SPPL2A: variants seen among roughly 807,000 people sequenced by gnomAD.
The protein encoded by SPPL2A is signal peptide peptidase-like 2A.
In SPPL2A, 51 loss-of-function variants were observed where a neutral mutation model predicts 63.8. The ratio of observed to expected loss-of-function variants is 0.80; its 90% CI spans 0.64 to 1.01. The LOEUF (loss-of-function observed/expected upper bound fraction) is 1.01, where lower values mean the gene tolerates loss of function less well. SPPL2A is among the 50% of genes least tolerant of loss of function. SPPL2A has a pLI of 0.00. For missense variants in SPPL2A, 553 were observed against 622.7 expected, an observed-to-expected ratio of 0.89 and a Z score of 1.19; for synonymous variants, 188 against 205.8, an observed-to-expected ratio of 0.91 and a Z score of 0.74.
intron 1 of SPPL2A, among the ~76,000 whole-genome samples, chr15:50,755,165 A>C (rs1432317645): frequency 6.6e-6 from 1 of 151,612 alleles, no homozygotes; most frequent in Admixed American, 6.6e-5. Context: ...TAAAAATAAA[A>C]AAATCAGCCA....
At chr15:50,726,570 T>C (rs2062689941) in intron 10 of SPPL2A, among the ~76,000 whole-genome samples, 193 bp from the exon 11 acceptor site, 2 of 152,242 alleles carry the variant, frequency 1.3e-5, no homozygotes, top group Admixed American at 6.5e-5. Context: ...CCTAGTACAG[T>C]TGCTCCACTT....
intron 5 of SPPL2A, among the ~76,000 whole-genome samples, chr15:50,741,652 C>G (rs2062821449): frequency 6.6e-6 from 1 of 152,090 alleles, no homozygotes. Context: ...ATACAGTGTA[C>G]TAGATTTATA....
chr15:50,743,535 ATGGGTCTCACTATGCTGCCCAGGC>A (rs994942037), intron 5 of SPPL2A, among the ~76,000 whole-genome samples: 1 of 151,644 alleles, frequency 6.6e-6, no homozygotes, highest in Non-Finnish European at 1.5e-5. Context: ...TTTTGTAGAG[ATGGGTCTCACTATGCTGCCCAGGC>A]TGGTCTCAAA....
At position 50,703,931 on chromosome 15, in the gene SPPL2A, A is replaced by G. The variant is rs529996649; in HGVS notation, c.*3869T>C. ...ATTTGTATTTATTATAAATGTATCA[A>G]TTCACTAAAATCTCTATGGACAAGT... On this transcript the variant is annotated 3_prime_UTR_variant, in exon 15 of 15. Coordinates refer to ENST00000261854, the MANE Select transcript of SPPL2A (RefSeq NM_032802.4). 2.0e-5 allele frequency: 3 copies of G among 152,302 alleles called. No individual in the cohort carries two copies. Among genetic ancestry groups the G allele is most frequent in the African/African-American group, 7.2e-5 (3 of 41,570 alleles). 9.4% of individuals were successfully genotyped at this position (152,302 alleles called of 1,614,324 possible).
intron 2 of SPPL2A, 117 bp from the exon 3 acceptor site, chr15:50,748,987 A>G (rs1301516591): frequency 5.4e-6 from 3 of 554,890 alleles, no homozygotes; most frequent in Non-Finnish European, 9.0e-6. Context: ...CTTTTGAATT[A>G]GAAATATTTA....
chr15:50,747,427 T>C (rs906929996), intron 5 of SPPL2A, 68 bp downstream of exon 5: 2 of 1,344,262 alleles, frequency 1.5e-6, no homozygotes, highest in African/African-American at 2.9e-5. Context: ...AATGTTGTTA[T>C]ATAATTAAAA....
At chr15:50,720,742 A>G (rs2062639789) in intron 13 of SPPL2A, among the ~76,000 whole-genome samples, 1 of 151,658 alleles carries the variant, frequency 6.6e-6, no homozygotes, top group South Asian at 2.1e-4. Flanking sequence ...CTGGTCTCAA[A>G]CTCCCGACCT....
At chr15:50,732,894 T>C (rs902824977) in intron 8 of SPPL2A, among the ~76,000 whole-genome samples, 8 of 152,042 alleles carry the variant, frequency 5.3e-5, no homozygotes, top group Non-Finnish European at 1.0e-4. Context: ...GTTCAAGTGA[T>C]TTTCATGTCT....
intron 1 of SPPL2A, among the ~76,000 whole-genome samples, chr15:50,761,937 A>C (rs12914606): frequency 0.21 from 32,329 of 151,892 alleles, 4,368 homozygotes; most frequent in African/African-American, 0.39. Context: ...ATCTCAACAA[A>C]AAAAAAAAGA....
chr15:50,732,156 G>A (rs1022518837), intron 9 of SPPL2A, among the ~76,000 whole-genome samples: 1 of 151,860 alleles, frequency 6.6e-6, no homozygotes, highest in African/African-American at 2.4e-5. Flanking sequence ...AGGAATAACA[G>A]GCACTGGGAT....
In SPPL2A at chr15:50,706,187, C is replaced by A. The variant is rs1241942934; in HGVS notation, c.*1613G>T. ...CGGGCGGATCACGAGGTCAGGAGATCGAGACCATCCCGGCTAAAACGGTGA... is the reference window on the plus strand; with the variant it reads ...CGGGCGGATCACGAGGTCAGGAGATAGAGACCATCCCGGCTAAAACGGTGA... On this transcript the variant is annotated 3_prime_UTR_variant, in exon 15 of 15. Transcript: ENST00000261854. 6.6e-6 allele frequency: 1 copy of A among 151,698 alleles called. No individual in the cohort carries two copies. Among genetic ancestry groups the A allele is most frequent in the Middle Eastern group, 3.4e-3 (1 of 294 alleles). 9.4% of individuals were successfully genotyped at this position (151,698 alleles called of 1,614,324 possible). A position where few individuals can be genotyped will look rare whatever the true frequency, so the allele number is the denominator to read the frequency against.
chr15:50,714,988 G>GT (rs951396907), intron 14 of SPPL2A, among the ~76,000 whole-genome samples: 6 of 151,078 alleles, frequency 4.0e-5, no homozygotes, highest in African/African-American at 1.2e-4. Context: ...TTTTTAAGAA[G>GT]TTTTTTTTGG....
intron 6 of SPPL2A, among the ~76,000 whole-genome samples, chr15:50,739,170 CT>C (rs71127136): frequency 0.012 from 1,259 of 106,942 alleles, 21 homozygotes; most frequent in African/African-American, 0.033. Context: ...ACATAACGTA[CT>C]TTTTTTTTTT....
intron 13 of SPPL2A, among the ~76,000 whole-genome samples, chr15:50,721,869 G>C (rs566645061): frequency 6.6e-6 from 1 of 152,216 alleles, no homozygotes; most frequent in Admixed American, 6.6e-5. Flanking sequence ...GCCTCCCAAA[G>C]TGCTGGGCTT....
intron 8 of SPPL2A, among the ~76,000 whole-genome samples, chr15:50,733,263 CT>C (rs2062744775): frequency 6.6e-6 from 1 of 152,110 alleles, no homozygotes; most frequent in Non-Finnish European, 1.5e-5. Context: ...ATTATCCTAC[CT>C]GAAGCTGCAT....
intron 10 of SPPL2A, among the ~76,000 whole-genome samples, chr15:50,727,979 T>C (rs1251853899): frequency 6.6e-6 from 1 of 152,192 alleles, no homozygotes; most frequent in South Asian, 2.1e-4. Flanking sequence ...AAAAATTTCT[T>C]AAGCACAAAA....
chr15:50,739,170 C>CTTTT (rs71127136), intron 6 of SPPL2A, among the ~76,000 whole-genome samples: 5 of 106,944 alleles, frequency 4.7e-5, no homozygotes, highest in African/African-American at 6.9e-5. Flanking sequence ...ACATAACGTA[C>CTTTT]TTTTTTTTTT....
At chr15:50,721,920 T>C (rs1241296893) in intron 13 of SPPL2A, among the ~76,000 whole-genome samples, 1 of 152,078 alleles carries the variant, frequency 6.6e-6, no homozygotes, top group Non-Finnish European at 1.5e-5. Context: ...AACTGTTTTT[T>C]TAGAGATGGG....
chr15:50,720,748 G>A (rs925334012), intron 13 of SPPL2A, among the ~76,000 whole-genome samples: 2 of 151,938 alleles, frequency 1.3e-5, no homozygotes, highest in Non-Finnish European at 2.9e-5. Context: ...TCAAACTCCC[G>A]ACCTCAGGTG....
Sources: allele counts gnomAD v4.1 joint callset (sites outside exome capture counted in the v4.1 genomes callset), GRCh38; gene constraint gnomAD v4.1.1; transcripts MANE v1.5; gene names NCBI Gene and HGNC (gene_info 2026-07-23, HGNC 2026-07-21).